NEK5: variants seen among roughly 807,000 people sequenced by gnomAD.
The protein encoded by NEK5 is NIMA related kinase 5.
A neutral mutation model predicts 109.2 loss-of-function variants in NEK5; 88 were observed. The ratio of observed to expected loss-of-function variants is 0.81; its 90% confidence interval spans 0.68 to 0.96. The LOEUF (loss-of-function observed/expected upper bound fraction) is 0.96, where lower values mean the gene tolerates loss of function less well. NEK5 is among the 40% of genes least tolerant of loss of function. The probability of loss-of-function intolerance (pLI) is 0.00; values close to 1 mark genes in which losing one functional copy is unlikely to be tolerated. For missense variants in NEK5, 834 were observed against 920.7 expected, an observed-to-expected ratio of 0.91 and a Z score of 1.22; for synonymous variants, 283 against 299.9, an observed-to-expected ratio of 0.94 and a Z score of 0.58.
chr13:52,075,544 T>C (rs756332296), intron 19 of NEK5, among the ~76,000 whole-genome samples: 3 of 152,144 alleles, frequency 2.0e-5, no homozygotes, highest in Non-Finnish European at 2.9e-5. Flanking sequence ...CTGGGTATTA[T>C]GCTCAATACC....
intron 5 of NEK5, among the ~76,000 whole-genome samples, chr13:52,111,091 T>C (rs1955749998): frequency 6.6e-6 from 1 of 152,164 alleles, no homozygotes; most frequent in South Asian, 2.1e-4. Flanking sequence ...AACCAACAAA[T>C]ACTTTACCTT....
intron 21 of NEK5, among the ~76,000 whole-genome samples, chr13:52,064,049 TG>T (rs1192073633): frequency 2.2e-5 from 2 of 90,938 alleles, no homozygotes; most frequent in East Asian, 3.4e-4. Context: ...GGGAGGGAGG[TG>T]GGGGGGTCAG....
At chr13:52,086,473 A>G (rs1446610110) in intron 15 of NEK5, 110 bp from the exon 16 acceptor site, 1 of 718,072 alleles carries the variant, frequency 1.4e-6, no homozygotes, top group Non-Finnish European at 2.4e-6. Context: ...ATAAGGTTAG[A>G]AAAATATGTT....
intron 16 of NEK5, among the ~76,000 whole-genome samples, 169 bp downstream of exon 16, chr13:52,086,108 G>A (rs1955136216): frequency 6.6e-6 from 1 of 151,784 alleles, no homozygotes; most frequent in South Asian, 2.1e-4. Flanking sequence ...ATAATAAACT[G>A]AAGCTCCAAT....
chr13:52,041,794 A>T (rs1954417163), intron 23 of NEK5, among the ~76,000 whole-genome samples: 1 of 151,542 alleles, frequency 6.6e-6, no homozygotes, highest in Admixed American at 6.6e-5. Flanking sequence ...AAAAATATGA[A>T]AGTACAATTA....
At chr13:52,076,015 C>T (rs374484477) in intron 18 of NEK5, 48 bp downstream of exon 18, 36 of 1,215,644 alleles carry the variant, frequency 3.0e-5, no homozygotes, top group Middle Eastern at 3.8e-4. Context: ...AAGGTGGCTC[C>T]CCAGCCAGCT....
chr13:52,119,254 C>T (rs1325002915), intron 4 of NEK5, 65 bp downstream of exon 4: 1 of 845,678 alleles, frequency 1.2e-6, no homozygotes, highest in East Asian at 2.5e-5. Context: ...AGGAACAAAT[C>T]TTTTTACATA....
At chr13:52,107,742 A>T (rs1000424196) in intron 8 of NEK5, among the ~76,000 whole-genome samples, 1 of 152,082 alleles carries the variant, frequency 6.6e-6, no homozygotes, top group Non-Finnish European at 1.5e-5. Context: ...AAGATTAAAC[A>T]AGTTTTATTG....
chr13:52,058,670 T>C (rs942038802), intron 22 of NEK5, among the ~76,000 whole-genome samples: 4 of 151,874 alleles, frequency 2.6e-5, no homozygotes, highest in Non-Finnish European at 5.9e-5. Context: ...CTATCTGATC[T>C]TTGACAAACC....
chr13:52,073,625 A>C (rs1415377671), intron 19 of NEK5, among the ~76,000 whole-genome samples: 1 of 152,076 alleles, frequency 6.6e-6, no homozygotes, highest in Non-Finnish European at 1.5e-5. Context: ...CTTGAGCACC[A>C]AACATTTTTC....
Position 52,037,095 on chromosome 13 carries a change from C to G in NEK5, c.2352G>C (p.Lys784Asn). Reference protein sequence around the residue: ...EASSTSKDSRKSREREGISMQ... With the variant: ...EASSTSKDSRNSREREGISMQ... ...TACTTATCCCCTCTCTTTCTCTTGACTTTCTAGAGTCCTTAGAGGTACTGG... is the reference window on the plus strand; with the variant it reads ...TACTTATCCCCTCTCTTTCTCTTGAGTTTCTAGAGTCCTTAGAGGTACTGG... Residue 784 changes from lysine (K) to asparagine (N), a missense_variant, in exon 24 of 24, where the codon AAG (lysine) becomes AAC (asparagine). Lys to Asn is a moderately conservative substitution (Grantham distance 94). Transcript: ENST00000684899. The G allele has an allele frequency of 1.0e-6, 1 of 985,390 alleles. No individual in the cohort carries two copies. The highest frequency in any genetic ancestry group is 4.7e-5 in the South Asian group (1 of 21,294). The allele number at this position is 985,390 out of a possible 1,614,324, so 61.0% of individuals were successfully genotyped here. A position where few individuals can be genotyped will look rare whatever the true frequency, so the allele number is the denominator to read the frequency against.
At chr13:52,046,505 A>C (rs1954460680) in intron 23 of NEK5, among the ~76,000 whole-genome samples, 1 of 151,080 alleles carries the variant, frequency 6.6e-6, no homozygotes, top group African/African-American at 2.4e-5. Flanking sequence ...AAGAAGAAGA[A>C]GAAGAAGAAA....
intron 5 of NEK5, 75 bp from the exon 6 acceptor site, chr13:52,110,652 AAGAT>A: frequency 1.2e-6 from 1 of 821,024 alleles, no homozygotes; most frequent in Non-Finnish European, 2.0e-6. Flanking sequence ...AACATGCAAA[AAGAT>A]AGAAATTATA....
At position 52,107,884 on chromosome 13, in the gene NEK5, A is replaced by C. The variant is rs551653531; in HGVS notation, c.554+434T>G. Among the ~76,000 whole-genome samples the C allele has an allele frequency of 5.3e-5, 8 of 149,740 alleles. 1 individual carries two copies. Among genetic ancestry groups the C allele is most frequent in the Non-Finnish European group, 1.2e-4 (8 of 68,014 alleles). ...CCCAGGACCTAGACCCATTTAGATT[A>C]AGTAAGCTTACTGAGGCTCCAGAAG... On this transcript the variant is annotated intron_variant, in intron 8 of 23. Coordinates refer to ENST00000684899, the MANE Select transcript of NEK5 (RefSeq NM_001365552.1).
chr13:52,080,098 G>A (rs914854015), intron 17 of NEK5, among the ~76,000 whole-genome samples: 11 of 151,126 alleles, frequency 7.3e-5, no homozygotes, highest in African/African-American at 1.7e-4. Context: ...GAGCCTATCC[G>A]CCCGGCAGCC....
chr13:52,080,343 G>A (rs1418690491), intron 17 of NEK5, among the ~76,000 whole-genome samples: 1 of 150,928 alleles, frequency 6.6e-6, no homozygotes, highest in Non-Finnish European at 1.5e-5. Context: ...CGCCCCTACT[G>A]GGAAGTGAGA....
At chr13:52,113,409 T>C (rs1216253941) in intron 4 of NEK5, among the ~76,000 whole-genome samples, 1 of 150,484 alleles carries the variant, frequency 6.6e-6, no homozygotes, top group Non-Finnish European at 1.5e-5. Context: ...AAATGAAAGA[T>C]GTGATTATTC....
chr13:52,102,704 A>G (rs1955566393), intron 9 of NEK5, among the ~76,000 whole-genome samples: 1 of 152,216 alleles, frequency 6.6e-6, no homozygotes, highest in Admixed American at 6.5e-5. Context: ...ATCAAAAAAT[A>G]AAAAAGAAGC....
chr13:52,072,064 C>A lies in NEK5; in HGVS notation c.1729G>T (p.Asp577Tyr). The stretch of plus-strand genomic sequence containing the variant: ...AAGGTCAAAGTTTCATTTGGTATAT[C>A]CATTGCCTAAATCAATTCCACAGTG... Reference protein sequence around the residue: ...ENILQEEEAMDIPNETLTFED... With the variant: ...ENILQEEEAMYIPNETLTFED... The change falls in exon 20 of 24, where the codon GAT becomes TAT. Residue 577 changes from aspartate to tyrosine, a missense_variant. Physicochemically the swap from Asp to Tyr is radical, Grantham distance 160 (BLOSUM62 -3). Transcript: ENST00000684899. 6.2e-7 allele frequency: 1 copy of A among 1,610,118 alleles called. No homozygotes were observed. Among genetic ancestry groups the A allele is most frequent in the Non-Finnish European group, 8.5e-7 (1 of 1,177,406 alleles).
Sources: gnomAD v4.1 joint callset for allele counts (sites outside exome capture counted in the v4.1 genomes callset) on GRCh38, gnomAD v4.1.1 for gene constraint, MANE v1.5 for transcripts, NCBI Gene and HGNC (gene_info 2026-07-23, HGNC 2026-07-21) for gene names.